UBL5: variants seen among roughly 807,000 people sequenced by gnomAD.
UBL5 encodes ubiquitin-like protein 5.
In UBL5, 13 loss-of-function variants were observed where a neutral mutation model predicts 11.7. The observed-to-expected ratio is 1.11, with a 90% confidence interval of 0.73 to 1.77. The LOEUF is 1.77. Ranked by LOEUF, UBL5 falls within the 40% of genes most tolerant of loss-of-function variation. The pLI, the probability that UBL5 is intolerant of heterozygous loss-of-function variation, is 0.00. For missense variants in UBL5, 58 were observed against 92.3 expected (o/e 0.63, Z 1.52); for synonymous variants, 28 against 34.7 (o/e 0.81, Z 0.68).
In UBL5 at chr19:9,830,112, G is replaced by A; in HGVS notation, c.*104G>A. 2 of 1,452,800 alleles carry A rather than the reference G, an allele frequency of 1.4e-6. No homozygotes were observed. The highest frequency in any genetic ancestry group is 1.8e-5 in the Admixed American group (1 of 56,886). The allele number at this position is 1,452,800 out of a possible 1,614,324, so 90.0% of individuals were successfully genotyped here. On this transcript the variant is annotated 3_prime_UTR_variant, in exon 5 of 5. Coordinates refer to ENST00000586895, the MANE Select transcript of UBL5 (RefSeq NM_001048241.3). ...AACTCACCTTAATAAAGACTTAGAT[G>A]TTGCTTTGTTGTTGTCTCTGTATGA... is the stretch of plus-strand genomic sequence containing the variant.
intron 4 of UBL5, chr19:9,829,702 G>C (rs776166409): frequency 2.5e-5 from 11 of 438,734 alleles, no homozygotes; most frequent in Non-Finnish European, 4.1e-5. Context: ...TCATCGTGTT[G>C]GCCAGGCTGG....
intron 1 of UBL5, 156 bp downstream of exon 1, chr19:9,828,140 G>A (rs2046034695): frequency 3.2e-6 from 2 of 619,952 alleles, no homozygotes; most frequent in Non-Finnish European, 5.7e-6. Context: ...GGGGTTCGCG[G>A]CCCTGGGACA....
chr19:9,828,277 G>T (rs904151590), intron 1 of UBL5, 50 bp from the exon 2 acceptor site: 4 of 1,563,770 alleles, frequency 2.6e-6, no homozygotes, highest in Non-Finnish European at 3.5e-6. Flanking sequence ...CCTGGGAGAC[G>T]CCTGAAGCTC....
chr19:9,828,910 A>G, intron 4 of UBL5, 36 bp downstream of exon 4: 2 of 1,606,894 alleles, frequency 1.2e-6, no homozygotes, highest in South Asian at 1.1e-5. Flanking sequence ...AAGCATCTAC[A>G]TACCCAGCCT....
chr19:9,828,400 A>C lies in UBL5; in HGVS notation c.56+7A>C. 6.2e-7 allele frequency: 1 copy of C among 1,614,052 alleles called. No individual in the cohort carries two copies. The highest frequency in any genetic ancestry group is 8.5e-7 in the Non-Finnish European group (1 of 1,179,998). ...AGGTCCGCGTTAAATGCAAGTATCC[A>C]CTGGCAGCCGAGAGGCAGTGGTACC... On this transcript the variant is annotated splice_region_variant and intron_variant, in intron 2 of 4. Transcript: ENST00000586895.
In UBL5 at chr19:9,828,545, C is replaced by T. The variant is rs754375956; in HGVS notation, c.57-47C>T. On this transcript the variant is annotated intron_variant, in intron 2 of 4. Coordinates refer to ENST00000586895, the MANE Select transcript of UBL5 (RefSeq NM_001048241.3). ...ATGGTATTCTGCCCTAGAATGTCCT[C>T]TTCCTCGTTCTACCGCTTCCATTTG... 22 of 1,613,012 alleles carry T rather than the reference C, an allele frequency of 1.4e-5. No homozygotes were observed. The South Asian group carries it at 1.5e-4, about 11-fold the overall frequency.
In UBL5 at chr19:9,828,799, C is replaced by A. The variant is rs368198403; in HGVS notation, c.141-38C>A. 5.6e-6 allele frequency: 9 copies of A among 1,613,270 alleles called. No homozygotes were observed. The African/African-American group carries it at 1.2e-4, about 22-fold the overall frequency. On this transcript the variant is annotated intron_variant, in intron 3 of 4. Transcript: ENST00000586895. ...TCATTTGGCCTACAGACTGAAGAGC[C>A]TCCTTAGCCTTATCTCTGAAATGTC... is the stretch of plus-strand genomic sequence containing the variant.
In UBL5 at chr19:9,828,375, A is replaced by C; in HGVS notation, c.38A>C (p.Lys13Thr). 1 of 1,614,144 alleles carries C rather than the reference A, an allele frequency of 6.2e-7. No homozygotes were observed. ...EVVCNDRLGKKVRVKCNTDDT... is the reference protein window; with the variant it reads ...EVVCNDRLGKTVRVKCNTDDT... ...GTTTGCAACGACCGTCTGGGGAAGA[A>C]GGTCCGCGTTAAATGCAAGTATCCA... The change falls in exon 2 of 5, where the codon AAG (lysine) becomes ACG (threonine). Residue 13 changes from lysine (K) to threonine (T), a missense_variant. Transcript: ENST00000586895.
intron 2 of UBL5, 96 bp from the exon 3 acceptor site, chr19:9,828,496 A>AG: frequency 1.2e-6 from 2 of 1,606,346 alleles, no homozygotes; most frequent in Non-Finnish European, 1.7e-6. Flanking sequence ...AACCCGGGAG[A>AG]GGGGGCGGAT....
At position 9,830,034 on chromosome 19, in the gene UBL5, G is replaced by A. The variant is rs772427984; in HGVS notation, c.*26G>A. The A allele has an allele frequency of 3.2e-5, 52 of 1,613,270 alleles. No individual in the cohort carries two copies. Among genetic ancestry groups the A allele is most frequent in the Non-Finnish European group, 4.1e-5 (48 of 1,179,616 alleles). On this transcript the variant is annotated 3_prime_UTR_variant, in exon 5 of 5. Transcript: ENST00000586895. The stretch of plus-strand genomic sequence containing the variant: ...ATGAGAATCCTCATCTTCCTGCCCC[G>A]CTTTCCTCTCCCATCCTCATCCCCC...
rs758707240 is a variant in UBL5, at chr19:9,828,655, C to A, written c.120C>A (p.Asn40Lys). ...CAGCCCAAACTGGTACCCGTTGGAA[C>A]AAGATTGTCCTGAAGAAGTGGTGAG... is the stretch of plus-strand genomic sequence containing the variant. ...LIAAQTGTRWNKIVLKKWYTI... is the reference protein window; with the variant it reads ...LIAAQTGTRWKKIVLKKWYTI... Residue 40 changes from asparagine (N) to lysine (K), a missense_variant, in exon 3 of 5, where the codon AAC becomes AAA. Transcript: ENST00000586895. 1.9e-6 allele frequency: 3 copies of A among 1,614,192 alleles called. No homozygotes were observed. Among genetic ancestry groups the A allele is most frequent in the Non-Finnish European group, 2.5e-6 (3 of 1,180,028 alleles).
chr19:9,829,744 G>C (rs2046045530), intron 4 of UBL5: 3 of 527,202 alleles, frequency 5.7e-6, no homozygotes, highest in Non-Finnish European at 1.0e-5. Context: ...TGAGCCACCT[G>C]CTTCGTCCTC....
rs2046040220 is a variant in UBL5 at position 9,828,837 on chromosome 19, G to A, written c.141G>A (p.Trp47Ter). The A allele has an allele frequency of 1.2e-6, 2 of 1,614,170 alleles. No individual in the cohort carries two copies. Among genetic ancestry groups the A allele is most frequent in the Non-Finnish European group, 1.7e-6 (2 of 1,180,016 alleles). The change falls in exon 4 of 5, where the codon TGG (tryptophan) becomes TGA (stop). Residue 47 changes from tryptophan to a stop codon, truncating the protein, a stop_gained and splice_region_variant. Coordinates refer to ENST00000586895, the MANE Select transcript of UBL5 (RefSeq NM_001048241.3). LOFTEE classifies it high-confidence loss of function. ...TCTCTGAAATGTCTCTTTTTCTTAG[G>A]TACACGATTTTTAAGGACCACGTGT... ...TRWNKIVLKK[W>*]YTIFKDHVSL...
intron 2 of UBL5, 36 bp from the exon 3 acceptor site, chr19:9,828,556 T>C: frequency 6.8e-6 from 11 of 1,613,924 alleles, no homozygotes; most frequent in Non-Finnish European, 9.3e-6. Flanking sequence ...TTCCTCGTTC[T>C]ACCGCTTCCA....
chr19:9,829,792 C>T (rs2046045657), intron 4 of UBL5, 173 bp from the exon 5 acceptor site: 1 of 655,308 alleles, frequency 1.5e-6, no homozygotes, highest in African/African-American at 1.8e-5. Context: ...CCACTGCACC[C>T]AGCCAGAAAT....
chr19:9,828,119 C>G, intron 1 of UBL5, 135 bp downstream of exon 1: 1 of 598,750 alleles, frequency 1.7e-6, no homozygotes, highest in South Asian at 2.0e-5. Flanking sequence ...GGGGCGGAGG[C>G]GCGGCTCCCC....
Position 9,829,958 on chromosome 19 carries a change from C to T in UBL5, c.179-7C>T, listed in dbSNP as rs1244720470. On this transcript the variant is annotated splice_polypyrimidine_tract_variant and splice_region_variant and intron_variant, in intron 4 of 4. Transcript: ENST00000586895. ...AGAGTCAGGATTCCTTAACACCTTTCCTTCAGATGAAATCCACGATGGGAT... is the reference window on the plus strand; with the variant it reads ...AGAGTCAGGATTCCTTAACACCTTTTCTTCAGATGAAATCCACGATGGGAT... 1 of 1,614,122 alleles carries T rather than the reference C, an allele frequency of 6.2e-7. No individual in the cohort carries two copies. The highest frequency in any genetic ancestry group is 1.1e-5 in the South Asian group (1 of 91,070).
At position 9,828,879 on chromosome 19, in the gene UBL5, C is replaced by G; in HGVS notation, c.178+5C>G. 1 of 1,614,128 alleles carries G rather than the reference C, an allele frequency of 6.2e-7. No individual in the cohort carries two copies. Reference sequence around the variant, plus strand: ...ACCACGTGTCTCTGGGGGACTGTATCCTTTGTGTGACTTTTTGAGGAAGCA... The same window carrying G: ...ACCACGTGTCTCTGGGGGACTGTATGCTTTGTGTGACTTTTTGAGGAAGCA... On this transcript the variant is annotated splice_donor_5th_base_variant and intron_variant, in intron 4 of 4. Transcript: ENST00000586895.
chr19:9,829,896 CG>C (rs2046046282), intron 4 of UBL5, 68 bp from the exon 5 acceptor site: 2 of 1,592,940 alleles, frequency 1.3e-6, no homozygotes, highest in Non-Finnish European at 8.6e-7. Flanking sequence ...CCACCTGACC[CG>C]GCTGTGAATG....
Sources: allele counts gnomAD v4.1 joint callset, GRCh38; gene constraint gnomAD v4.1.1; transcripts MANE v1.5; gene names NCBI Gene and HGNC (gene_info 2026-07-23, HGNC 2026-07-21).